The following CNTN5 variants were observed in gnomAD, a reference collection of about 807,000 sequenced individuals.
CNTN5 encodes contactin-5.
Under a neutral mutation model 129.1 loss-of-function variants are expected in CNTN5, and 77 were observed. That is an observed-to-expected ratio of 0.60 (90% CI 0.50 to 0.72). CNTN5 has a LOEUF of 0.72. CNTN5 is among the 30% of genes least tolerant of loss of function. CNTN5 has a pLI of 0.00. For missense variants in CNTN5, 1,478 were observed against 1,328.8 expected (o/e 1.11, Z -1.75); for synonymous variants, 509 against 465.6 (o/e 1.09, Z -1.20).
chr11:99,757,214 C>T (rs1362516860), intron 3 of CNTN5, among the ~76,000 whole-genome samples: 1 of 151,964 alleles, frequency 6.6e-6, no homozygotes, highest in African/African-American at 2.4e-5. Flanking sequence ...ACTCCAATAT[C>T]TTCCTTCATT....
intron 3 of CNTN5, among the ~76,000 whole-genome samples, chr11:99,677,506 T>G (rs1953342905): frequency 6.6e-6 from 1 of 152,166 alleles, no homozygotes; most frequent in Non-Finnish European, 1.5e-5. Context: ...CTTGATATTT[T>G]GGGGCACATA....
chr11:99,724,491 T>C (rs1943272510), intron 3 of CNTN5, among the ~76,000 whole-genome samples: 1 of 152,194 alleles, frequency 6.6e-6, no homozygotes, highest in Non-Finnish European at 1.5e-5. Context: ...ATGCCAAACA[T>C]TGTTCTAAGC....
At chr11:99,354,288 A>G (rs1356796512) in intron 2 of CNTN5, among the ~76,000 whole-genome samples, 1 of 152,212 alleles carries the variant, frequency 6.6e-6, no homozygotes, top group Non-Finnish European at 1.5e-5. Flanking sequence ...CACCTGTGAA[A>G]TATAGTGATA....
At chr11:99,133,956 A>T (rs1859088219) in intron 1 of CNTN5, among the ~76,000 whole-genome samples, 1 of 152,210 alleles carries the variant, frequency 6.6e-6, no homozygotes, top group South Asian at 2.1e-4. Context: ...ATACATGCAC[A>T]TGTATGTTCA....
At chr11:99,752,948 C>T (rs1258621335) in intron 3 of CNTN5, among the ~76,000 whole-genome samples, 1 of 151,922 alleles carries the variant, frequency 6.6e-6, no homozygotes, top group East Asian at 1.9e-4. Flanking sequence ...AGTTGTCTGT[C>T]CTGGGGAAAG....
intron 3 of CNTN5, among the ~76,000 whole-genome samples, chr11:99,638,840 C>A (rs1015985563): frequency 2.0e-5 from 3 of 152,152 alleles, no homozygotes; most frequent in Non-Finnish European, 4.4e-5. Flanking sequence ...GTTTGAGTGT[C>A]TGTGGCTTTT....
intron 19 of CNTN5, 23 bp from the exon 20 acceptor site, chr11:100,299,139 T>G: frequency 7.1e-7 from 1 of 1,415,202 alleles, no homozygotes; most frequent in African/African-American, 1.4e-5. Flanking sequence ...TTGCTGATAA[T>G]TAATTATATT....
chr11:100,202,198 G>T (rs984451452), intron 15 of CNTN5, among the ~76,000 whole-genome samples: 2 of 151,916 alleles, frequency 1.3e-5, no homozygotes, highest in Non-Finnish European at 2.9e-5. Flanking sequence ...TCCAAACTAG[G>T]ACTGAACTCC....
intron 2 of CNTN5, among the ~76,000 whole-genome samples, chr11:99,379,714 T>A (rs577324193): frequency 6.6e-6 from 1 of 152,294 alleles, no homozygotes; most frequent in South Asian, 2.1e-4. Context: ...TATTTATGCA[T>A]TCTATAATTC....
At chr11:99,982,664 G>A (rs1938419463) in intron 8 of CNTN5, among the ~76,000 whole-genome samples, 1 of 152,002 alleles carries the variant, frequency 6.6e-6, no homozygotes, top group Admixed American at 6.6e-5. Flanking sequence ...TTTTTGAGAT[G>A]GAGTCTGGCT....
intron 1 of CNTN5, among the ~76,000 whole-genome samples, chr11:99,107,405 G>T (rs1468678508): frequency 6.6e-6 from 1 of 151,976 alleles, no homozygotes; most frequent in Non-Finnish European, 1.5e-5. Context: ...AATGTATGGA[G>T]TATCTCTATG....
chr11:99,747,911 T>A (rs1352262047), intron 3 of CNTN5, among the ~76,000 whole-genome samples: 1 of 152,238 alleles, frequency 6.6e-6, no homozygotes, highest in East Asian at 1.9e-4. Context: ...GTTTGAGAGT[T>A]GTTAATCATA....
chr11:99,067,927 G>T (rs537659968), intron 1 of CNTN5, among the ~76,000 whole-genome samples: 30 of 152,184 alleles, frequency 2.0e-4, no homozygotes, highest in African/African-American at 7.0e-4. Context: ...GAATCATAGG[G>T]GTGGTTTTCC....
At chr11:100,340,220 A>G (rs958484391) in intron 21 of CNTN5, among the ~76,000 whole-genome samples, 4 of 152,198 alleles carry the variant, frequency 2.6e-5, no homozygotes, top group African/African-American at 9.6e-5. Flanking sequence ...CAGGCTACAA[A>G]GTAGCAGGTT....
chr11:99,783,831 G>C (rs1319164162), intron 3 of CNTN5, among the ~76,000 whole-genome samples: 1 of 151,232 alleles, frequency 6.6e-6, no homozygotes, highest in Non-Finnish European at 1.5e-5. Flanking sequence ...GGGGTGGGTG[G>C]AGTGGGGAGG....
intron 21 of CNTN5, chr11:100,337,390 G>C: frequency 2.6e-6 from 2 of 778,066 alleles, no homozygotes. Context: ...AGCAGAGAGA[G>C]CACCTATCAG....
At chr11:100,122,215 G>A (rs990339888) in intron 13 of CNTN5, among the ~76,000 whole-genome samples, 2 of 151,894 alleles carry the variant, frequency 1.3e-5, no homozygotes, top group African/African-American at 2.4e-5. Context: ...CGGGGTGATG[G>A]TGGGGTGGGG....
chr11:99,766,337 A>G (rs1312670328), intron 3 of CNTN5, among the ~76,000 whole-genome samples: 1 of 152,030 alleles, frequency 6.6e-6, no homozygotes, highest in Non-Finnish European at 1.5e-5. Context: ...TTCCATTTCC[A>G]TTAGTAGCCC....
chr11:99,923,663 G>C (rs1949988979), intron 7 of CNTN5, among the ~76,000 whole-genome samples: 1 of 152,092 alleles, frequency 6.6e-6, no homozygotes, highest in African/African-American at 2.4e-5. Flanking sequence ...GCTTTCCACA[G>C]AGACTGAGCT....
Sources: allele counts gnomAD v4.1 joint callset (sites outside exome capture counted in the v4.1 genomes callset), GRCh38; gene constraint gnomAD v4.1.1; transcripts MANE v1.5; gene names NCBI Gene and HGNC (gene_info 2026-07-23, HGNC 2026-07-21).